The following LRRC9 variants were observed in gnomAD, a reference collection of about 807,000 sequenced individuals.
LRRC9 encodes leucine-rich repeat-containing protein 9.
A neutral mutation model predicts 63.2 loss-of-function variants in LRRC9; 122 were observed. The ratio of observed to expected loss-of-function variants is 1.93; its 90% CI spans 1.67 to 2.24. LRRC9 has a LOEUF of 2.24. Ranked by LOEUF, LRRC9 falls within the 30% of genes most tolerant of loss-of-function variation. The pLI, the probability that LRRC9 is intolerant of heterozygous loss-of-function variation, is 0.00. For missense variants in LRRC9, 1,071 were observed against 627.7 expected, an observed-to-expected ratio of 1.71 and a Z score of -7.55; for synonymous variants, 366 against 213.1, an observed-to-expected ratio of 1.72 and a Z score of -6.25.
rs747149153 is a variant in LRRC9, at chr14:60,018,348, G to C, written c.3318-23G>C. 9 of 699,376 alleles carry C rather than the reference G, an allele frequency of 1.3e-5. 1 individual carries two copies. In the South Asian group the frequency reaches 1.3e-4, roughly 10 times the overall value. The allele number at this position is 699,376 out of a possible 1,614,324, so 43.3% of individuals were successfully genotyped here. On this transcript the variant is annotated intron_variant, in intron 24 of 31. Transcript: ENST00000445360. ...TTCCTGTCCTATTAAAATAATAGCT[G>C]TATTTACTTTGTCTAAATTCAGAAC...
chr14:59,969,428 G>A (rs567842913), intron 12 of LRRC9: 10 of 152,302 alleles, frequency 6.6e-5, no homozygotes, highest in African/African-American at 2.4e-4. Flanking sequence ...ACATCAGTGT[G>A]TAGCATGTAA....
intron 31 of LRRC9, chr14:60,059,251 C>G (rs1481892702): frequency 2.0e-5 from 3 of 152,146 alleles, no homozygotes; most frequent in Non-Finnish European, 4.4e-5. Context: ...AACATGTGCT[C>G]ACTTTGTGTC....
intron 10 of LRRC9, among the ~76,000 whole-genome samples, chr14:59,963,436 C>T (rs745592185): frequency 2.6e-5 from 4 of 151,700 alleles, no homozygotes; most frequent in African/African-American, 9.7e-5. Flanking sequence ...CAAGTAGGGA[C>T]TTCAAAGCAT....
At chr14:60,014,056 AGT>A (rs534838980) in intron 23 of LRRC9, among the ~76,000 whole-genome samples, 41 of 151,436 alleles carry the variant, frequency 2.7e-4, no homozygotes, top group South Asian at 6.3e-4. Flanking sequence ...ATTTATCCAT[AGT>A]GTTTTTTAGT....
intron 29 of LRRC9, among the ~76,000 whole-genome samples, chr14:60,035,202 A>T (rs1892329713): frequency 6.7e-6 from 1 of 149,024 alleles, no homozygotes; most frequent in East Asian, 2.0e-4. Flanking sequence ...TTATTTATTT[A>T]TTTTTTGCTG....
intron 17 of LRRC9, among the ~76,000 whole-genome samples, chr14:59,991,827 C>T (rs112359835): frequency 1.0e-4 from 15 of 149,634 alleles, no homozygotes; most frequent in Non-Finnish European, 1.5e-4. Flanking sequence ...GCTCGAACTG[C>T]GTGGAGCCCA....
Position 59,980,040 on chromosome 14 carries a change from G to GCT in LRRC9, c.1879-1798_1879-1797dup, listed in dbSNP as rs200337399. Among the ~76,000 whole-genome samples the GCT allele has an allele frequency of 3.4e-3, 510 of 151,986 alleles. 14 individuals carry two copies. In the East Asian group the frequency reaches 0.057, roughly 17 times the overall value. Reference sequence around the variant, plus strand: ...TCACAAGTTAATTTTTAAGAGGTCAGCTCTCTCTCTCAATCTTATCCTGTA... The same window carrying GCT: ...TCACAAGTTAATTTTTAAGAGGTCAGCTCTCTCTCTCTCAATCTTATCCTGTA... On this transcript the variant is annotated intron_variant, in intron 15 of 31. Transcript: ENST00000445360.
intron 1 of LRRC9, among the ~76,000 whole-genome samples, chr14:59,921,928 A>G (rs1340498510): frequency 2.0e-5 from 3 of 151,914 alleles, no homozygotes; most frequent in Admixed American, 2.0e-4. Context: ...TACTAAAAAT[A>G]CAAAAATTAG....
rs917249607 is a variant in LRRC9 at position 60,027,181 on chromosome 14, C to T, written c.3704-703C>T. ...GAGAAAGCCACTTAATTTCTCTGAC[C>T]CTCAATTTTCTGATTAGAAAAAAGA... On this transcript the variant is annotated intron_variant, in intron 27 of 31. Transcript: ENST00000445360. This position sits in a 1 kb window ranked among gnomAD's most constrained non-coding sequence, Gnocchi z 4.0. Among the ~76,000 whole-genome samples, 2 of 151,756 alleles carry T rather than the reference C, an allele frequency of 1.3e-5. No individual in the cohort carries two copies. The highest frequency in any genetic ancestry group is 1.3e-4 in the Admixed American group (2 of 15,204).
chr14:59,973,042 A>G (rs1346292048), intron 12 of LRRC9, among the ~76,000 whole-genome samples: 1 of 152,106 alleles, frequency 6.6e-6, no homozygotes, highest in African/African-American at 2.4e-5. Flanking sequence ...TTCTTAGTAG[A>G]AATCTAGTGA....
At chr14:59,981,351 T>G (rs1886908764) in intron 15 of LRRC9, among the ~76,000 whole-genome samples, 1 of 152,216 alleles carries the variant, frequency 6.6e-6, no homozygotes, top group South Asian at 2.1e-4. Flanking sequence ...TGGTTTTTTC[T>G]AGAGCCAGTT....
At chr14:59,950,652 T>C (rs1175688859) in intron 8 of LRRC9, among the ~76,000 whole-genome samples, 2 of 136,380 alleles carry the variant, frequency 1.5e-5, no homozygotes, top group African/African-American at 5.7e-5. Flanking sequence ...TTCCTTTCCA[T>C]GTTTAGCGCT....
At chr14:60,050,396 TTG>T (rs1163015240) in intron 29 of LRRC9, among the ~76,000 whole-genome samples, 2 of 152,192 alleles carry the variant, frequency 1.3e-5, no homozygotes, top group Non-Finnish European at 2.9e-5. Flanking sequence ...AGTTCTCATG[TTG>T]TGTTTTTCAG....
chr14:59,981,854 G>A (rs34896205), exon 16 of LRRC9: 2 of 692,370 alleles, frequency 2.9e-6, no homozygotes, highest in East Asian at 2.7e-5. Context: ...TTAGGTCAAG[G>A]CACCCTCTTT....
At chr14:60,012,814 T>C (rs1388808781) in intron 23 of LRRC9, among the ~76,000 whole-genome samples, 1 of 152,176 alleles carries the variant, frequency 6.6e-6, no homozygotes, top group Non-Finnish European at 1.5e-5. Flanking sequence ...TAGAAAACAT[T>C]TGTCAGCCCC....
chr14:60,005,763 A>T (rs1486441556), intron 21 of LRRC9, among the ~76,000 whole-genome samples: 1 of 152,134 alleles, frequency 6.6e-6, no homozygotes, highest in Non-Finnish European at 1.5e-5. Flanking sequence ...CAATTTATGT[A>T]TCGCCACAAA....
At chr14:59,997,829 A>G (rs755598992) in exon 18 of LRRC9, 35 of 697,888 alleles carry the variant, frequency 5.0e-5, no homozygotes, top group South Asian at 4.8e-4. Flanking sequence ...TTGATATTCA[A>G]CATAATCCAT....
intron 21 of LRRC9, among the ~76,000 whole-genome samples, chr14:60,005,110 G>T (rs1889708177): frequency 6.6e-6 from 1 of 151,968 alleles, no homozygotes; most frequent in Non-Finnish European, 1.5e-5. Flanking sequence ...ATATATAAAA[G>T]CAAGTATTAA....
In LRRC9 at chr14:59,990,363, G is replaced by A. The variant is rs1032799453; in HGVS notation, c.2211+5139G>A. Reference sequence around the variant, plus strand: ...ATAGTTTTTAGATTCACAGGGGCTCGACTGCTCCAGGGACTGCTTTCTTCA... The same window carrying A: ...ATAGTTTTTAGATTCACAGGGGCTCAACTGCTCCAGGGACTGCTTTCTTCA... On this transcript the variant is annotated intron_variant, in intron 17 of 31. Coordinates refer to ENST00000445360, the Ensembl canonical transcript of LRRC9. The surrounding 1 kb of genome is among the most constrained non-coding windows in gnomAD (Gnocchi z 4.2). Among the ~76,000 whole-genome samples, 9 of 152,094 alleles carry A rather than the reference G, an allele frequency of 5.9e-5. No homozygotes were observed. The highest frequency in any genetic ancestry group is 1.9e-4 in the African/African-American group (8 of 41,430).
Sources: gnomAD v4.1 joint callset for allele counts (sites outside exome capture counted in the v4.1 genomes callset) on GRCh38, gnomAD v4.1.1 for gene constraint, Gnocchi (gnomAD v3.1) non-coding constraint, MANE v1.5 for transcripts, NCBI Gene and HGNC (gene_info 2026-07-23, HGNC 2026-07-21) for gene names.